The following EVI5 variants were observed in gnomAD, a reference collection of about 807,000 sequenced individuals.
EVI5 encodes the protein ecotropic viral integration site 5 protein homolog.
Under a neutral mutation model 112.0 loss-of-function variants are expected in EVI5, and 73 were observed. The ratio of observed to expected loss-of-function variants is 0.65; its 90% CI spans 0.54 to 0.79. EVI5 has a LOEUF of 0.79. Among genes scored for constraint, EVI5 ranks in the 30% least tolerant of loss-of-function variants. EVI5 has a pLI of 0.00. For missense variants in EVI5, 900 were observed against 968.8 expected (o/e 0.93, Z 0.94); for synonymous variants, 305 against 319.9 (o/e 0.95, Z 0.50).
intron 13 of EVI5, among the ~76,000 whole-genome samples, chr1:92,641,921 C>T (rs544575768): frequency 5.9e-5 from 9 of 152,092 alleles, no homozygotes; most frequent in Non-Finnish European, 1.0e-4. Flanking sequence ...GGGTGGATCA[C>T]GACGTCAGGA....
At chr1:92,741,429 A>G (rs1678383932) in intron 1 of EVI5, among the ~76,000 whole-genome samples, 1 of 152,208 alleles carries the variant, frequency 6.6e-6, no homozygotes, top group East Asian at 1.9e-4. Context: ...TTCCTACCAC[A>G]ATGACCTTTA....
chr1:92,616,643 T>C (rs1004151800), intron 16 of EVI5, among the ~76,000 whole-genome samples: 4 of 152,104 alleles, frequency 2.6e-5, no homozygotes, highest in South Asian at 2.1e-4. Context: ...ATGGCCCCCA[T>C]AGGTGAATCA....
At chr1:92,759,937 G>A (rs1171158247) in intron 1 of EVI5, among the ~76,000 whole-genome samples, 1 of 147,460 alleles carries the variant, frequency 6.8e-6, no homozygotes, top group South Asian at 2.1e-4. Flanking sequence ...TTTGACTCTT[G>A]GGAATCATGC....
chr1:92,535,157 T>C (rs1663643913), intron 19 of EVI5, among the ~76,000 whole-genome samples: 2 of 151,910 alleles, frequency 1.3e-5, no homozygotes, highest in African/African-American at 2.4e-5. Context: ...CCAAGACATA[T>C]GAAAAAAAGC....
At chr1:92,659,389 G>A (rs560159049) in intron 13 of EVI5, among the ~76,000 whole-genome samples, 3 of 151,652 alleles carry the variant, frequency 2.0e-5, no homozygotes, top group African/African-American at 4.8e-5. Context: ...TACAAGGAAC[G>A]CAAACAACTC....
chr1:92,595,796 A>G (rs765772906), intron 18 of EVI5, among the ~76,000 whole-genome samples: 2 of 152,314 alleles, frequency 1.3e-5, no homozygotes, highest in Non-Finnish European at 1.5e-5. Context: ...TTTGTCCCCA[A>G]CGCTAGGGGA....
chr1:92,556,584 G>GAC (rs1667716169), intron 19 of EVI5, among the ~76,000 whole-genome samples: 1 of 152,056 alleles, frequency 6.6e-6, no homozygotes, highest in African/African-American at 2.4e-5. Flanking sequence ...AGAACCTACT[G>GAC]ACAATGTTAA....
intron 1 of EVI5, among the ~76,000 whole-genome samples, chr1:92,741,461 G>C (rs1161152425): frequency 6.6e-6 from 1 of 152,116 alleles, no homozygotes; most frequent in Non-Finnish European, 1.5e-5. Context: ...TCTTGAATCA[G>C]ACTAATTCCT....
At chr1:92,615,239 T>G (rs551093096) in intron 16 of EVI5, among the ~76,000 whole-genome samples, 1 of 152,172 alleles carries the variant, frequency 6.6e-6, no homozygotes, top group Non-Finnish European at 1.5e-5. Context: ...AGGAATGTAA[T>G]GAAGTTGGTT....
intron 14 of EVI5, among the ~76,000 whole-genome samples, chr1:92,635,536 T>C (rs142092054): frequency 7.4e-4 from 113 of 152,192 alleles, no homozygotes; most frequent in African/African-American, 2.6e-3. Flanking sequence ...AAAAGCGCAG[T>C]ATTAGGGTGC....
intron 19 of EVI5, among the ~76,000 whole-genome samples, chr1:92,560,411 A>T (rs553842366): frequency 6.6e-6 from 1 of 152,346 alleles, no homozygotes; most frequent in South Asian, 2.1e-4. Flanking sequence ...ACGGGTTGAA[A>T]GAGTATGAAC....
At chr1:92,660,540 C>A (rs563608410) in intron 13 of EVI5, among the ~76,000 whole-genome samples, 2 of 151,872 alleles carry the variant, frequency 1.3e-5, no homozygotes. Context: ...TTAACAATAA[C>A]GTATTGTATA....
At chr1:92,683,350 C>A (rs1667922179) in intron 9 of EVI5, among the ~76,000 whole-genome samples, 2 of 152,114 alleles carry the variant, frequency 1.3e-5, no homozygotes, top group South Asian at 4.1e-4. Context: ...AACTAACAAA[C>A]AGAAAGAAAT....
intron 18 of EVI5, among the ~76,000 whole-genome samples, chr1:92,603,667 G>T (rs1041843707): frequency 6.9e-6 from 1 of 144,688 alleles, no homozygotes; most frequent in Non-Finnish European, 1.6e-5. Context: ...CATTGTACAG[G>T]TGTATAAAAT....
chr1:92,557,250 C>T (rs1557779841), intron 19 of EVI5, among the ~76,000 whole-genome samples: 1 of 151,180 alleles, frequency 6.6e-6, no homozygotes, highest in African/African-American at 2.4e-5. Flanking sequence ...TTTTTTCCAG[C>T]TTTATCTTGA....
intron 19 of EVI5, among the ~76,000 whole-genome samples, chr1:92,530,941 C>A (rs894298292): frequency 2.6e-5 from 4 of 151,882 alleles, no homozygotes; most frequent in Non-Finnish European, 4.4e-5. Context: ...CTGAGTCTGA[C>A]GAATTGACAG....
intron 1 of EVI5, among the ~76,000 whole-genome samples, chr1:92,746,947 C>T (rs767961890): frequency 1.1e-4 from 16 of 151,090 alleles, no homozygotes; most frequent in Non-Finnish European, 1.6e-4. Context: ...GCAAAACAAC[C>T]ATATATTATT....
intron 10 of EVI5, among the ~76,000 whole-genome samples, chr1:92,671,955 A>G (rs1309533406): frequency 6.6e-6 from 1 of 151,352 alleles, no homozygotes; most frequent in Non-Finnish European, 1.5e-5. Context: ...GGCATGCACC[A>G]CCATGCCTGG....
rs1685456144 is a variant in EVI5 at position 92,785,069 on chromosome 1, G to C, written c.-315C>G. ...CCAGCCCCTTGCCAGCTGGCCAGCT[G>C]GTTCCTCCGGGGTCCGGCCCGGCCG... On this transcript the variant is annotated 5_prime_UTR_variant, in exon 1 of 20. Coordinates refer to ENST00000684568, the MANE Select transcript of EVI5 (RefSeq NM_001350197.2). The C allele has an allele frequency of 1.0e-6, 1 of 985,434 alleles. No individual in the cohort carries two copies. Among genetic ancestry groups the C allele is most frequent in the Non-Finnish European group, 1.2e-6 (1 of 830,062 alleles). The allele number at this position is 985,434 out of a possible 1,614,324, so 61.0% of individuals were successfully genotyped here.
Sources: gnomAD v4.1 joint callset for allele counts (sites outside exome capture counted in the v4.1 genomes callset) on GRCh38, gnomAD v4.1.1 for gene constraint, MANE v1.5 for transcripts, NCBI Gene and HGNC (gene_info 2026-07-23, HGNC 2026-07-21) for gene names.